PTPRN2: variants seen among roughly 807,000 people sequenced by gnomAD.
PTPRN2 encodes protein tyrosine phosphatase receptor type N2.
In PTPRN2, 74 loss-of-function variants were observed where a neutral mutation model predicts 118.8. That is an observed-to-expected ratio of 0.62 (90% confidence interval 0.52 to 0.76). The LOEUF is 0.76. PTPRN2 is among the 30% of genes least tolerant of loss of function. The pLI is 0.00. For missense variants in PTPRN2, 1,481 were observed against 1,394.4 expected (o/e 1.06, Z -0.99); for synonymous variants, 641 against 608.0 (o/e 1.05, Z -0.80).
At chr7:158,105,821 T>G (rs916521924) in intron 10 of PTPRN2, among the ~76,000 whole-genome samples, 9 of 151,762 alleles carry the variant, frequency 5.9e-5, no homozygotes, top group Non-Finnish European at 1.3e-4. Flanking sequence ...TAGCTCCATC[T>G]TACGCCATGC....
chr7:157,938,979 C>T (rs190539154), intron 11 of PTPRN2, among the ~76,000 whole-genome samples: 5 of 152,346 alleles, frequency 3.3e-5, no homozygotes, highest in African/African-American at 4.8e-5. Context: ...CTACGAGCCC[C>T]TGCAGTGCCT....
intron 11 of PTPRN2, among the ~76,000 whole-genome samples, chr7:157,901,918 G>T (rs958414215): frequency 7.3e-6 from 1 of 137,600 alleles, no homozygotes; most frequent in Non-Finnish European, 1.5e-5. Flanking sequence ...GTCCTGAGGC[G>T]GGGCCTTCCC....
At chr7:157,884,969 G>T (rs190235148) in intron 12 of PTPRN2, among the ~76,000 whole-genome samples, 2 of 152,270 alleles carry the variant, frequency 1.3e-5, no homozygotes, top group Admixed American at 1.3e-4. Flanking sequence ...CCGTTTCTCT[G>T]GGTATGGCTC....
intron 14 of PTPRN2, among the ~76,000 whole-genome samples, chr7:157,649,699 C>G (rs1484302232): frequency 2.2e-4 from 29 of 133,196 alleles, no homozygotes; most frequent in African/African-American, 6.3e-4. Flanking sequence ...GACCCATTCA[C>G]TGTGCACTGA....
rs1474298152 is a variant in PTPRN2, at chr7:157,596,409, G to A, written c.2419-1094C>T. Among the ~76,000 whole-genome samples, 2 of 152,218 alleles carry A rather than the reference G, an allele frequency of 1.3e-5. No homozygotes were observed. Among genetic ancestry groups the A allele is most frequent in the East Asian group, 3.8e-4 (2 of 5,206 alleles). On this transcript the variant is annotated intron_variant, in intron 16 of 22. Transcript: ENST00000389418. This position sits in a 1 kb window ranked among gnomAD's most constrained non-coding sequence, Gnocchi z 4.2. ...GGCTCTCCGGCTCCCCAGTTTGTCCGAACGCATCTTGCTAGCTCCAATGGG... is the reference window on the plus strand; with the variant it reads ...GGCTCTCCGGCTCCCCAGTTTGTCCAAACGCATCTTGCTAGCTCCAATGGG...
intron 11 of PTPRN2, among the ~76,000 whole-genome samples, chr7:158,062,453 T>C (rs1247637160): frequency 6.6e-6 from 1 of 152,234 alleles, no homozygotes; most frequent in African/African-American, 2.4e-5. Context: ...CTCCTTGGCC[T>C]TGGCGCCCAC....
At chr7:157,608,924 G>A (rs184749792) in intron 15 of PTPRN2, among the ~76,000 whole-genome samples, 11 of 152,186 alleles carry the variant, frequency 7.2e-5, no homozygotes, top group Admixed American at 3.3e-4. Context: ...TATCAAAACC[G>A]TAGTCTGAGA....
chr7:158,545,466 A>G (rs1355593790), intron 1 of PTPRN2, among the ~76,000 whole-genome samples: 1 of 152,034 alleles, frequency 6.6e-6, no homozygotes, highest in Non-Finnish European at 1.5e-5. Context: ...CCTTTTCTGC[A>G]CCCTTCCAGG....
chr7:157,861,334 G>A lies in PTPRN2; in HGVS notation c.1788+37339C>T, dbSNP rs566545246. ...CCTGGATTGCACCGGAAGCACCTCC[G>A]GCTGGAGCTCGGCCAAGGAGCCCGG... On this transcript the variant is annotated intron_variant, in intron 12 of 22. Coordinates refer to ENST00000389418, the MANE Select transcript of PTPRN2 (RefSeq NM_002847.5). This position sits in a 1 kb window ranked among gnomAD's most constrained non-coding sequence, Gnocchi z 5.8. Among the ~76,000 whole-genome samples the A allele has an allele frequency of 2.0e-5, 3 of 152,378 alleles. No homozygotes were observed. The highest frequency in any genetic ancestry group is 7.2e-5 in the African/African-American group (3 of 41,596).
chr7:158,119,560 T>G (rs1816985288), intron 9 of PTPRN2, among the ~76,000 whole-genome samples: 1 of 152,092 alleles, frequency 6.6e-6, no homozygotes, highest in South Asian at 2.1e-4. Flanking sequence ...AGCTGCAGTT[T>G]GTTTTCTGTG....
chr7:158,085,575 C>A (rs1324286276), intron 10 of PTPRN2, among the ~76,000 whole-genome samples: 2 of 110,182 alleles, frequency 1.8e-5, no homozygotes, highest in African/African-American at 3.7e-5. Context: ...CCATCCACAC[C>A]CTCGACGCCC....
At chr7:157,713,745 G>A (rs1424203666) in intron 12 of PTPRN2, among the ~76,000 whole-genome samples, 3 of 152,088 alleles carry the variant, frequency 2.0e-5, no homozygotes, top group East Asian at 1.9e-4. Flanking sequence ...AGACATTCCC[G>A]ACAGCTGTGG....
At chr7:157,720,808 T>C (rs1201698166) in intron 12 of PTPRN2, among the ~76,000 whole-genome samples, 2 of 152,178 alleles carry the variant, frequency 1.3e-5, no homozygotes, top group African/African-American at 2.4e-5. Flanking sequence ...GCCGAGACCC[T>C]CATTTCCAGT....
At chr7:157,976,248 C>G (rs1207530786) in intron 11 of PTPRN2, among the ~76,000 whole-genome samples, 2 of 152,194 alleles carry the variant, frequency 1.3e-5, no homozygotes, top group African/African-American at 2.4e-5. Context: ...ATGTGAGGTG[C>G]TCGGCGATTC....
intron 9 of PTPRN2, among the ~76,000 whole-genome samples, chr7:158,132,619 C>T (rs1474916295): frequency 1.3e-5 from 2 of 151,962 alleles, no homozygotes; most frequent in East Asian, 3.9e-4. Flanking sequence ...ACCCAACATA[C>T]ACACTCATAT....
At chr7:158,452,413 C>A (rs1446867283) in intron 2 of PTPRN2, among the ~76,000 whole-genome samples, 1 of 152,260 alleles carries the variant, frequency 6.6e-6, no homozygotes, top group Non-Finnish European at 1.5e-5. Flanking sequence ...TCCTCCCCAT[C>A]TCCCAGTGGA....
intron 2 of PTPRN2, among the ~76,000 whole-genome samples, chr7:158,449,005 C>T (rs1427333005): frequency 6.6e-6 from 1 of 152,182 alleles, no homozygotes; most frequent in Non-Finnish European, 1.5e-5. Flanking sequence ...CATGAAGGGC[C>T]GTGACAGGCA....
Position 157,813,304 on chromosome 7 carries a change from C to T in PTPRN2, c.1788+85369G>A, listed in dbSNP as rs1393323998. 6.6e-6 allele frequency among the ~76,000 whole-genome samples: 1 copy of T among 152,106 alleles called. No homozygotes were observed. The highest frequency in any genetic ancestry group is 1.9e-4 in the East Asian group (1 of 5,194). ...GGTCCTCCTGCTGTGGGGTGTGAGT[C>T]CAGCCAGTGCTGGGAAGCCGGTGTG... On this transcript the variant is annotated intron_variant, in intron 12 of 22. Transcript: ENST00000389418. The surrounding 1 kb of genome is among the most constrained non-coding windows in gnomAD (Gnocchi z 4.7).
chr7:158,340,106 C>T lies in PTPRN2; in HGVS notation c.164-23174G>A, dbSNP rs75139023. 7.6e-3 allele frequency among the ~76,000 whole-genome samples: 372 copies of T among 49,102 alleles called. 3 individuals are homozygous for T. Among genetic ancestry groups the T allele is most frequent in the African/African-American group, 0.028 (349 of 12,658 alleles). The allele number at this position is 49,102 out of a possible 152,430, so 32.2% of individuals were successfully genotyped here. On this transcript the variant is annotated intron_variant, in intron 2 of 22. Transcript: ENST00000389418. The stretch of plus-strand genomic sequence containing the variant: ...CCTGCAGACGTCACTCACACCCACA[C>T]TCGCACCATAAGAGGTGACACCTGG...
Sources: allele counts gnomAD v4.1 joint callset (sites outside exome capture counted in the v4.1 genomes callset), GRCh38; gene constraint gnomAD v4.1.1; non-coding constraint Gnocchi (gnomAD v3.1); transcripts MANE v1.5; gene names NCBI Gene and HGNC (gene_info 2026-07-23, HGNC 2026-07-21).